CNOT6L: variants seen among roughly 807,000 people sequenced by gnomAD.
CNOT6L encodes CCR4-NOT transcription complex subunit 6-like.
CNOT6L carries 7 observed loss-of-function variants against 64.0 expected under a neutral mutation model. The observed-to-expected ratio is 0.11, with a 90% confidence interval of 0.06 to 0.21. CNOT6L has a LOEUF of 0.21. Among genes scored for constraint, CNOT6L ranks in the 10% least tolerant of loss-of-function variants. The pLI is 1.00. For synonymous variants in CNOT6L, 193 were observed against 243.4 expected (o/e 0.79, Z 1.93); for missense variants, 245 against 669.0 (o/e 0.37, Z 6.99).
intron 1 of CNOT6L, among the ~76,000 whole-genome samples, chr4:77,779,061 AAC>A (rs869243135): frequency 1.1e-5 from 1 of 89,270 alleles, no homozygotes; most frequent in Non-Finnish European, 2.4e-5. Flanking sequence ...AAAAAAAAAA[AAC>A]AAAAAAAAAA....
At chr4:77,805,900 A>G (rs1732159394) in intron 1 of CNOT6L, among the ~76,000 whole-genome samples, 2 of 152,226 alleles carry the variant, frequency 1.3e-5, no homozygotes, top group Non-Finnish European at 2.9e-5. Flanking sequence ...GCCCAAATTC[A>G]GGCAACGATA....
In CNOT6L at chr4:77,741,772, T is replaced by TA. The variant is rs973503551; in HGVS notation, c.872+368dup. Among the ~76,000 whole-genome samples, 44 of 151,670 alleles carry TA rather than the reference T, an allele frequency of 2.9e-4. 1 individual carries two copies. The highest frequency in any genetic ancestry group is 3.4e-3 in the Middle Eastern group (1 of 294). On this transcript the variant is annotated intron_variant, in intron 8 of 11. Transcript: ENST00000504123. ...TGAATGATTCTCAAAAATCAATTAT[T>TA]AAAAAAAAATCACAGAAAAGAAACC...
chr4:77,805,986 C>T (rs899426375), intron 1 of CNOT6L, among the ~76,000 whole-genome samples: 1 of 152,228 alleles, frequency 6.6e-6, no homozygotes, highest in East Asian at 1.9e-4. Flanking sequence ...TGACCTGCCT[C>T]TTCCGTTTTT....
chr4:77,727,181 A>G (rs1366844742), intron 10 of CNOT6L, among the ~76,000 whole-genome samples: 3 of 152,212 alleles, frequency 2.0e-5, no homozygotes, highest in Non-Finnish European at 4.4e-5. Context: ...AGTATTTGCT[A>G]CATGCCAGGC....
intron 1 of CNOT6L, among the ~76,000 whole-genome samples, chr4:77,782,253 CTGTGTT>C (rs1728943766): frequency 6.6e-6 from 1 of 152,152 alleles, no homozygotes; most frequent in Admixed American, 6.5e-5. Context: ...GAAAATGTGT[CTGTGTT>C]TATCTTGCTT....
chr4:77,754,336 G>A (rs768844588), intron 5 of CNOT6L, among the ~76,000 whole-genome samples: 3 of 152,094 alleles, frequency 2.0e-5, no homozygotes, highest in Non-Finnish European at 4.4e-5. Flanking sequence ...ATTTTTAAGC[G>A]AATTAAGAAG....
At chr4:77,733,191 T>C (rs1186241212) in intron 8 of CNOT6L, among the ~76,000 whole-genome samples, 1 of 152,140 alleles carries the variant, frequency 6.6e-6, no homozygotes, top group East Asian at 1.9e-4. Context: ...GCAACCTATT[T>C]TGATGAATAT....
At chr4:77,809,299 C>T (rs1732632173) in intron 1 of CNOT6L, among the ~76,000 whole-genome samples, 1 of 152,062 alleles carries the variant, frequency 6.6e-6, no homozygotes, top group South Asian at 2.1e-4. Flanking sequence ...TTTTCACATT[C>T]CTTGGTACTC....
intron 1 of CNOT6L, among the ~76,000 whole-genome samples, chr4:77,787,141 C>T (rs188015540): frequency 2.0e-5 from 3 of 152,164 alleles, no homozygotes; most frequent in Admixed American, 2.0e-4. Context: ...GTGGCGGGCA[C>T]CTATAATCCA....
chr4:77,771,156 C>T (rs1727506231), intron 4 of CNOT6L, among the ~76,000 whole-genome samples: 1 of 152,064 alleles, frequency 6.6e-6, no homozygotes, highest in South Asian at 2.1e-4. Context: ...CCCGACTCTA[C>T]TAAAAATACA....
chr4:77,750,041 G>A (rs1724683334), intron 5 of CNOT6L, among the ~76,000 whole-genome samples: 1 of 152,078 alleles, frequency 6.6e-6, no homozygotes, highest in African/African-American at 2.4e-5. Flanking sequence ...ATGTATTCAA[G>A]TGGAAATATA....
intron 11 of CNOT6L, among the ~76,000 whole-genome samples, chr4:77,722,923 A>G (rs979282913): frequency 2.6e-5 from 4 of 152,200 alleles, no homozygotes; most frequent in Non-Finnish European, 4.4e-5. Context: ...ATTAGTAAAG[A>G]CTATTATTGT....
chr4:77,815,515 CCTAA>C (rs750249188), intron 1 of CNOT6L, among the ~76,000 whole-genome samples: 7 of 152,146 alleles, frequency 4.6e-5, no homozygotes, highest in African/African-American at 7.2e-5. Context: ...GAAAGCAATT[CCTAA>C]CTATCATAAT....
intron 7 of CNOT6L, among the ~76,000 whole-genome samples, chr4:77,743,783 G>A (rs569696997): frequency 3.3e-5 from 5 of 151,526 alleles, no homozygotes; most frequent in Admixed American, 6.6e-5. Context: ...TGCATTTTTA[G>A]TAGATATGGG....
intron 1 of CNOT6L, among the ~76,000 whole-genome samples, chr4:77,777,357 T>C (rs917368296): frequency 3.9e-5 from 6 of 152,228 alleles, no homozygotes; most frequent in African/African-American, 1.4e-4. Context: ...AACGTTGTTA[T>C]GCAGCACATA....
Position 77,779,046 on chromosome 4 carries a change from C to CAAAAA in CNOT6L, c.6-2659_6-2655dup, listed in dbSNP as rs747920305. On this transcript the variant is annotated intron_variant, in intron 1 of 11. Transcript: ENST00000504123. Reference sequence around the variant, plus strand: ...TAGGTGACAGAGCGAGACTCTGTCTCAAAAAAAAAAAAAAAACAAAAAAAA... The same window carrying CAAAAA: ...TAGGTGACAGAGCGAGACTCTGTCTCAAAAAAAAAAAAAAAAAAAAACAAAAAAAA... Among the ~76,000 whole-genome samples, 137 of 67,062 alleles carry CAAAAA rather than the reference C, an allele frequency of 2.0e-3. 1 individual carries two copies. Among genetic ancestry groups the CAAAAA allele is most frequent in the Middle Eastern group, 8.9e-3 (1 of 112 alleles). The allele number at this position is 67,062 out of a possible 152,430, so 44.0% of individuals were successfully genotyped here.
intron 1 of CNOT6L, among the ~76,000 whole-genome samples, chr4:77,805,274 A>G (rs1457299146): frequency 6.6e-6 from 1 of 152,196 alleles, no homozygotes; most frequent in Non-Finnish European, 1.5e-5. Context: ...TTATTTCCCA[A>G]AACAGACATG....
At chr4:77,819,109 G>T in intron 1 of CNOT6L, 195 bp downstream of exon 1, 1 of 930,596 alleles carries the variant, frequency 1.1e-6, no homozygotes, top group Non-Finnish European at 1.6e-6. Flanking sequence ...AAGAGACGCG[G>T]GTCAGCCCCG....
At chr4:77,819,132 G>A (rs1335341579) in intron 1 of CNOT6L, 172 bp downstream of exon 1, 1 of 1,271,572 alleles carries the variant, frequency 7.9e-7, no homozygotes, top group East Asian at 2.7e-5. Context: ...GCCCCCTCCA[G>A]TCACCCGACA....
Sources: gnomAD v4.1 joint callset for allele counts (sites outside exome capture counted in the v4.1 genomes callset) on GRCh38, gnomAD v4.1.1 for gene constraint, MANE v1.5 for transcripts, NCBI Gene and HGNC (gene_info 2026-07-23, HGNC 2026-07-21) for gene names.